Variants in XIRP2 observed in about 807,000 individuals in gnomAD.
XIRP2 encodes the protein xin actin binding repeat containing 2.
A neutral mutation model predicts 277.0 loss-of-function variants in XIRP2; 236 were observed. That is an observed-to-expected ratio of 0.85 (90% CI 0.77 to 0.95). The LOEUF (loss-of-function observed/expected upper bound fraction) is 0.95. XIRP2 is among the 40% of genes least tolerant of loss of function. XIRP2 has a pLI of 0.00. For missense variants in XIRP2, 4,640 were observed against 4,157.5 expected (o/e 1.12, Z -3.19); for synonymous variants, 1,490 against 1,416.5 (o/e 1.05, Z -1.17).
chr2:167,190,361 C>G (rs1042843553), intron 3 of XIRP2, among the ~76,000 whole-genome samples: 3 of 152,092 alleles, frequency 2.0e-5, no homozygotes, highest in South Asian at 4.1e-4. Context: ...CAGCCCCTAT[C>G]CTGAAGCTAC....
At chr2:167,025,877 A>G (rs200567414) in intron 2 of XIRP2, among the ~76,000 whole-genome samples, 7,284 of 152,028 alleles carry the variant, frequency 0.048, 279 homozygotes, top group South Asian at 0.14. Context: ...ACTTCCAACT[A>G]TGTGGTCAAT....
chr2:167,085,678 A>T (rs1689918380), intron 2 of XIRP2, among the ~76,000 whole-genome samples: 1 of 151,764 alleles, frequency 6.6e-6, no homozygotes. Flanking sequence ...TGTTGAATTG[A>T]TCCCTTTACC....
intron 3 of XIRP2, among the ~76,000 whole-genome samples, chr2:167,175,021 G>T (rs1004612010): frequency 1.3e-5 from 2 of 152,128 alleles, no homozygotes; most frequent in Admixed American, 1.3e-4. Context: ...GTCAATTTTA[G>T]AATAAGGATG....
chr2:167,047,439 G>GA (rs567842645), intron 2 of XIRP2, among the ~76,000 whole-genome samples: 144 of 151,540 alleles, frequency 9.5e-4, no homozygotes, highest in African/African-American at 3.3e-3. Context: ...AAGATAATCT[G>GA]AAAAAATGGA....
chr2:167,139,413 G>A (rs1691648026), intron 3 of XIRP2, among the ~76,000 whole-genome samples: 1 of 151,988 alleles, frequency 6.6e-6, no homozygotes, highest in Admixed American at 6.6e-5. Context: ...CATGTAAAAT[G>A]TCAAAAGATA....
intron 2 of XIRP2, among the ~76,000 whole-genome samples, chr2:167,058,215 A>AC (rs1274723720): frequency 2.7e-4 from 41 of 151,668 alleles, no homozygotes; most frequent in Admixed American, 2.0e-3. Context: ...GAAAGGCACC[A>AC]CCATGTTTGG....
At chr2:166,955,437 A>G (rs1406112327) in intron 2 of XIRP2, among the ~76,000 whole-genome samples, 1 of 151,850 alleles carries the variant, frequency 6.6e-6, no homozygotes, top group Non-Finnish European at 1.5e-5. Context: ...AAGAGGATTA[A>G]CAGTAAATAA....
intron 2 of XIRP2, among the ~76,000 whole-genome samples, chr2:166,910,288 C>T (rs1007656961): frequency 1.3e-5 from 2 of 152,084 alleles, no homozygotes; most frequent in Non-Finnish European, 2.9e-5. Flanking sequence ...CTTAATTTCA[C>T]AGCCAGTTAT....
chr2:167,191,461 C>G (rs1693332798), intron 3 of XIRP2, among the ~76,000 whole-genome samples: 1 of 152,082 alleles, frequency 6.6e-6, no homozygotes, highest in Admixed American at 6.5e-5. Flanking sequence ...CAGCCCACCC[C>G]CATGACTCCG....
chr2:167,232,862 A>G (rs1694800407), intron 5 of XIRP2, among the ~76,000 whole-genome samples: 1 of 151,864 alleles, frequency 6.6e-6, no homozygotes. Context: ...TGGGCCTTAG[A>G]TTTATTTACT....
chr2:167,142,981 A>G (rs1691764703), intron 3 of XIRP2, among the ~76,000 whole-genome samples: 1 of 152,110 alleles, frequency 6.6e-6, no homozygotes, highest in Non-Finnish European at 1.5e-5. Context: ...AAAGATGGAG[A>G]GAGGAATGGA....
chr2:167,025,438 T>C (rs1249962938), intron 2 of XIRP2, among the ~76,000 whole-genome samples: 1 of 152,170 alleles, frequency 6.6e-6, no homozygotes, highest in Admixed American at 6.6e-5. Flanking sequence ...GAAGGGTTTT[T>C]TGTGTCTCCA....
At chr2:167,113,606 C>T (rs1033592659) in intron 2 of XIRP2, among the ~76,000 whole-genome samples, 4 of 152,126 alleles carry the variant, frequency 2.6e-5, no homozygotes, top group Non-Finnish European at 4.4e-5. Context: ...TCTTTCCACT[C>T]TGTGCTTTTT....
At chr2:167,214,262 A>AAGGAAG (rs1694169411) in intron 4 of XIRP2, among the ~76,000 whole-genome samples, 3 of 89,564 alleles carry the variant, frequency 3.3e-5, no homozygotes, top group South Asian at 5.3e-4. Flanking sequence ...GGAAGGAAAG[A>AAGGAAG]GAGAGAGAGA....
chr2:167,102,202 A>G (rs954510012), intron 2 of XIRP2, among the ~76,000 whole-genome samples: 1 of 152,220 alleles, frequency 6.6e-6, no homozygotes, highest in Admixed American at 6.5e-5. Context: ...GGAACAAACT[A>G]GAGATTGTAG....
intron 2 of XIRP2, among the ~76,000 whole-genome samples, chr2:166,922,469 T>C (rs1685073314): frequency 6.6e-6 from 1 of 152,136 alleles, no homozygotes; most frequent in Admixed American, 6.6e-5. Flanking sequence ...CTCTCCAGTA[T>C]TGAGGTCCTT....
chr2:167,246,824 G>C lies in XIRP2; in HGVS notation c.5432G>C (p.Gly1811Ala), dbSNP rs1695285751. The change falls in exon 9 of 11, where the codon GGA becomes GCA. Residue 1811 changes from glycine to alanine, a missense_variant. Coordinates refer to ENST00000409195, the MANE Select transcript of XIRP2 (RefSeq NM_152381.6). ...GTTAGTGAAACTGACATCATCCCTG[G>C]AGATGTGCATAACACAGTTAAGGTT... ...RTVSETDIIPGDVHNTVKVFM... is the reference protein window; with the variant it reads ...RTVSETDIIPADVHNTVKVFM... 1.2e-6 allele frequency: 2 copies of C among 1,613,726 alleles called. No individual in the cohort carries two copies. Among genetic ancestry groups the C allele is most frequent in the African/African-American group, 1.3e-5 (1 of 74,870 alleles).
chr2:166,914,299 C>T (rs1249396506), intron 2 of XIRP2, among the ~76,000 whole-genome samples: 4 of 152,082 alleles, frequency 2.6e-5, no homozygotes, highest in African/African-American at 9.7e-5. Context: ...CTGAATTTGA[C>T]TTCTGGAACT....
intron 2 of XIRP2, among the ~76,000 whole-genome samples, chr2:167,018,061 C>G (rs1374166494): frequency 6.6e-6 from 1 of 152,010 alleles, no homozygotes; most frequent in Non-Finnish European, 1.5e-5. Flanking sequence ...GCTCTAATAC[C>G]TAGCCTTTTA....
Sources: allele counts gnomAD v4.1 joint callset (sites outside exome capture counted in the v4.1 genomes callset), GRCh38; gene constraint gnomAD v4.1.1; transcripts MANE v1.5; gene names NCBI Gene and HGNC (gene_info 2026-07-23, HGNC 2026-07-21).